Variants in IGF2BP3 observed in about 807,000 individuals in gnomAD.
IGF2BP3 encodes the protein insulin-like growth factor 2 mRNA-binding protein 3.
IGF2BP3 carries 9 observed loss-of-function variants against 73.8 expected under a neutral mutation model. The ratio of observed to expected loss-of-function variants is 0.12; its 90% CI spans 0.07 to 0.21. IGF2BP3 has a LOEUF of 0.21. IGF2BP3 is among the 10% of genes least tolerant of loss of function. The probability of loss-of-function intolerance (pLI) is 1.00; values close to 1 mark genes in which losing one functional copy is unlikely to be tolerated. For missense variants in IGF2BP3, 542 were observed against 714.0 expected (o/e 0.76, Z 2.75); for synonymous variants, 258 against 256.7 (o/e 1.01, Z -0.05).
chr7:23,326,631 G>A (rs1312386593), intron 10 of IGF2BP3, among the ~76,000 whole-genome samples: 10 of 150,156 alleles, frequency 6.7e-5, no homozygotes, highest in East Asian at 1.9e-4. Flanking sequence ...TGTTTATTGC[G>A]GCATTATTCA....
intron 2 of IGF2BP3, among the ~76,000 whole-genome samples, chr7:23,464,225 A>G (rs1177478624): frequency 6.6e-6 from 1 of 152,238 alleles, no homozygotes; most frequent in African/African-American, 2.4e-5. Flanking sequence ...CTAGCTTTTA[A>G]ATAGCCACTT....
intron 12 of IGF2BP3, among the ~76,000 whole-genome samples, chr7:23,317,428 A>G (rs766996793): frequency 6.6e-6 from 1 of 152,240 alleles, no homozygotes; most frequent in Non-Finnish European, 1.5e-5. Flanking sequence ...TTTGAGAGAC[A>G]GGTAAATCCA....
At chr7:23,374,909 TCA>T (rs1057190586) in intron 3 of IGF2BP3, among the ~76,000 whole-genome samples, 18 of 152,174 alleles carry the variant, frequency 1.2e-4, no homozygotes, top group South Asian at 6.2e-4. Flanking sequence ...CATGAAATCT[TCA>T]CAGTTTATGT....
At chr7:23,347,122 G>C (rs1471878001) in intron 7 of IGF2BP3, among the ~76,000 whole-genome samples, 1 of 152,150 alleles carries the variant, frequency 6.6e-6, no homozygotes, top group Non-Finnish European at 1.5e-5. Context: ...TTCACTCAAA[G>C]TTCCTGTGGA....
chr7:23,447,120 G>T (rs1457819920), intron 2 of IGF2BP3, among the ~76,000 whole-genome samples: 1 of 151,070 alleles, frequency 6.6e-6, no homozygotes, highest in Admixed American at 6.6e-5. Flanking sequence ...AGAATCACTT[G>T]AACCCGGGAG....
At chr7:23,385,616 T>TG (rs71552228) in intron 3 of IGF2BP3, among the ~76,000 whole-genome samples, 1 of 148,384 alleles carries the variant, frequency 6.7e-6, no homozygotes, top group Non-Finnish European at 1.5e-5. Flanking sequence ...GGGTAGGGGG[T>TG]GGGGGGAAGA....
Position 23,470,344 on chromosome 7 carries a change from A to G in IGF2BP3, c.-234T>C, listed in dbSNP as rs573314014. 214 of 322,672 alleles carry G rather than the reference A, an allele frequency of 6.6e-4. No individual in the cohort carries two copies. The East Asian group carries it at 0.011, about 17-fold the overall frequency. The allele number at this position is 322,672 out of a possible 1,614,324, so 20.0% of individuals were successfully genotyped here. ...AAAGAAAAGAAAAAGCCTAGCTACA[A>G]CCCAAACGCATCCACCAGTCTTCCT... On this transcript the variant is annotated 5_prime_UTR_variant, in exon 1 of 15. Transcript: ENST00000258729.
chr7:23,350,260 G>A (rs949284457), intron 6 of IGF2BP3, among the ~76,000 whole-genome samples: 1 of 152,108 alleles, frequency 6.6e-6, no homozygotes, highest in Non-Finnish European at 1.5e-5. Flanking sequence ...TTTAGAGAAA[G>A]ATTAAGCTTA....
At chr7:23,460,200 A>AAAAAAAAAAAAAAAG in intron 2 of IGF2BP3, among the ~76,000 whole-genome samples, 1 of 148,432 alleles carries the variant, frequency 6.7e-6, no homozygotes, top group Non-Finnish European at 1.5e-5. Flanking sequence ...AAAAAAACAA[A>AAAAAAAAAAAAAAAG]AACGAAAGTG....
rs542530620 is a variant in IGF2BP3, at chr7:23,415,108, C to G, written c.285+3668G>C. The G allele has an allele frequency of 5.5e-5, 12 of 217,586 alleles. No individual in the cohort carries two copies. The East Asian group carries it at 2.3e-3, about 41-fold the overall frequency. The allele number at this position is 217,586 out of a possible 1,614,324, so 13.5% of individuals were successfully genotyped here. On this transcript the variant is annotated intron_variant, in intron 3 of 14. Coordinates refer to ENST00000258729, the MANE Select transcript of IGF2BP3 (RefSeq NM_006547.3). ...CTTTACCACATTAGCAGGTCCCGTCCGTCAGTCGGCTTCACTGCATTACCA... is the reference window on the plus strand; with the variant it reads ...CTTTACCACATTAGCAGGTCCCGTCGGTCAGTCGGCTTCACTGCATTACCA...
At chr7:23,444,966 A>G (rs1788026019) in intron 2 of IGF2BP3, among the ~76,000 whole-genome samples, 1 of 152,094 alleles carries the variant, frequency 6.6e-6, no homozygotes, top group Non-Finnish European at 1.5e-5. Flanking sequence ...GCTAAGGTGG[A>G]AGGATTACTT....
intron 2 of IGF2BP3, among the ~76,000 whole-genome samples, chr7:23,444,517 G>T (rs1584051597): frequency 6.6e-6 from 1 of 151,924 alleles, no homozygotes; most frequent in African/African-American, 2.4e-5. Context: ...AAAGCAAATG[G>T]ATCACTTGAG....
chr7:23,389,072 T>C (rs1013803590), intron 3 of IGF2BP3, among the ~76,000 whole-genome samples: 6 of 152,176 alleles, frequency 3.9e-5, no homozygotes, highest in African/African-American at 1.2e-4. Context: ...ATGTCCATCA[T>C]ACTTCAATAA....
At chr7:23,380,363 C>A (rs576388464) in intron 3 of IGF2BP3, among the ~76,000 whole-genome samples, 1 of 152,056 alleles carries the variant, frequency 6.6e-6, no homozygotes, top group South Asian at 2.1e-4. Flanking sequence ...CGGGGTTTCA[C>A]TGTGCTAGCC....
intron 11 of IGF2BP3, 43 bp from the exon 12 acceptor site, chr7:23,317,756 AC>A: frequency 4.0e-6 from 6 of 1,516,358 alleles, no homozygotes; most frequent in Non-Finnish European, 5.5e-6. Context: ...TTCAGGTATC[AC>A]TGATAGGCAT....
At chr7:23,347,822 G>A (rs1654890559) in intron 6 of IGF2BP3, 88 bp from the exon 7 acceptor site, 1 of 1,484,564 alleles carries the variant, frequency 6.7e-7, no homozygotes. Flanking sequence ...CAAAGTCATA[G>A]GGCTTCAGGG....
intron 6 of IGF2BP3, among the ~76,000 whole-genome samples, chr7:23,348,019 A>G (rs1481373782): frequency 6.6e-6 from 1 of 152,264 alleles, no homozygotes; most frequent in Non-Finnish European, 1.5e-5. Context: ...GATGCCACAG[A>G]ACAAATGTCT....
intron 3 of IGF2BP3, among the ~76,000 whole-genome samples, chr7:23,394,180 A>G (rs1180882370): frequency 6.6e-6 from 1 of 152,204 alleles, no homozygotes; most frequent in African/African-American, 2.4e-5. Context: ...TCCCAAAATG[A>G]TAACGCTATT....
chr7:23,355,109 A>T lies in IGF2BP3; in HGVS notation c.402-3523T>A, dbSNP rs552888127. Among the ~76,000 whole-genome samples the T allele has an allele frequency of 5.9e-5, 9 of 152,368 alleles. No individual in the cohort carries two copies. The South Asian group carries it at 1.9e-3, about 32-fold the overall frequency. On this transcript the variant is annotated intron_variant, in intron 5 of 14. Coordinates refer to ENST00000258729, the MANE Select transcript of IGF2BP3 (RefSeq NM_006547.3). ...ACCAAACCCACCGTAGATGCAAGACATGAGATGAACGACTGTCATAATTAT... is the reference window on the plus strand; with the variant it reads ...ACCAAACCCACCGTAGATGCAAGACTTGAGATGAACGACTGTCATAATTAT...
Sources: gnomAD v4.1 joint callset for allele counts (sites outside exome capture counted in the v4.1 genomes callset) on GRCh38, gnomAD v4.1.1 for gene constraint, MANE v1.5 for transcripts, NCBI Gene and HGNC (gene_info 2026-07-23, HGNC 2026-07-21) for gene names.